Variants in MYH10 observed in about 807,000 individuals in gnomAD.
MYH10 encodes myosin heavy chain 10.
A neutral mutation model predicts 257.8 loss-of-function variants in MYH10; 55 were observed. The ratio of observed to expected loss-of-function variants is 0.21; its 90% confidence interval spans 0.17 to 0.27. MYH10 has a LOEUF of 0.27. Ranked by LOEUF, MYH10 falls within the 10% of genes least tolerant of loss-of-function variation. MYH10 has a pLI of 1.00. For missense variants in MYH10, 1,631 were observed against 2,500.6 expected (o/e 0.65, Z 7.42); for synonymous variants, 854 against 921.7 (o/e 0.93, Z 1.33).
chr17:8,571,301 A>G (rs895577602), intron 6 of MYH10, among the ~76,000 whole-genome samples: 3 of 150,664 alleles, frequency 2.0e-5, no homozygotes, highest in Admixed American at 2.0e-4. Context: ...CAGCCTCCCG[A>G]GTAGCTGGGA....
At chr17:8,624,964 A>G (rs1469317313) in intron 1 of MYH10, among the ~76,000 whole-genome samples, 1 of 152,164 alleles carries the variant, frequency 6.6e-6, no homozygotes, top group Non-Finnish European at 1.5e-5. Context: ...ATTTACTAGA[A>G]CCAGCTGGGT....
chr17:8,479,558 C>T (rs1022691006), intron 40 of MYH10, among the ~76,000 whole-genome samples: 1 of 152,154 alleles, frequency 6.6e-6, no homozygotes, highest in African/African-American at 2.4e-5. Context: ...GCCGCGAGCC[C>T]TGCATTTCTG....
chr17:8,528,123 A>C (rs758719582), intron 17 of MYH10, among the ~76,000 whole-genome samples: 2 of 152,198 alleles, frequency 1.3e-5, no homozygotes, highest in Non-Finnish European at 2.9e-5. Flanking sequence ...GTCAGCTGCA[A>C]TCTAGCACAC....
chr17:8,589,584 C>T lies in MYH10; in HGVS notation c.503-476G>A, dbSNP rs544569781. Among the ~76,000 whole-genome samples, 20 of 152,166 alleles carry T rather than the reference C, an allele frequency of 1.3e-4. No homozygotes were observed. In the South Asian group the frequency reaches 4.2e-3, roughly 32 times the overall value. Reference sequence around the variant, plus strand: ...CTTTCAGAATGGCTTCAAGAATACCCACAACCAGAGAGGAATCATTGCTAA... The same window carrying T: ...CTTTCAGAATGGCTTCAAGAATACCTACAACCAGAGAGGAATCATTGCTAA... On this transcript the variant is annotated intron_variant, in intron 3 of 42. Coordinates refer to ENST00000360416, the MANE Select transcript of MYH10 (RefSeq NM_001256012.3).
At chr17:8,512,753 A>G (rs1179495507) in intron 23 of MYH10, 96 bp from the exon 24 acceptor site, 1 of 928,340 alleles carries the variant, frequency 1.1e-6, no homozygotes, top group Non-Finnish European at 1.6e-6. Context: ...CATCAAAGAA[A>G]CTGGGAGATA....
In MYH10 at chr17:8,598,117, G is replaced by A. The variant is rs184193639; in HGVS notation, c.502+6709C>T. Among the ~76,000 whole-genome samples the A allele has an allele frequency of 1.1e-4, 16 of 152,284 alleles. No individual in the cohort carries two copies. In the East Asian group the frequency reaches 2.3e-3, roughly 22 times the overall value. ...CTGCCTCAGCCTCCAGAGTAGCTGG[G>A]ACTACAGTCGCATGCCACCCTAGTC... On this transcript the variant is annotated intron_variant, in intron 3 of 42. Transcript: ENST00000360416.
At position 8,481,309 on chromosome 17, in the gene MYH10, G is replaced by T; in HGVS notation, c.5264+13C>A. On this transcript the variant is annotated intron_variant, in intron 38 of 42. Coordinates refer to ENST00000360416, the MANE Select transcript of MYH10 (RefSeq NM_001256012.3). ...GAGGGCGAAGAACCCACCCCCGGCC[G>T]TGGGAGACTCACTTGCCAGAGGCGC... 1 of 1,612,958 alleles carries T rather than the reference G, an allele frequency of 6.2e-7. No individual in the cohort carries two copies. The highest frequency in any genetic ancestry group is 8.5e-7 in the Non-Finnish European group (1 of 1,179,616).
rs908560420 is a variant in MYH10 at position 8,552,676 on chromosome 17, T to C, written c.821-532A>G. On this transcript the variant is annotated intron_variant, in intron 8 of 42. Transcript: ENST00000360416. The surrounding 1 kb of genome is among the most constrained non-coding windows in gnomAD (Gnocchi z 4.8). ...TGAGAGTGCCCACAATGCTACCCTA[T>C]TGAAAGCCTCCTATATGAGAGGCAC... Among the ~76,000 whole-genome samples the C allele has an allele frequency of 3.3e-5, 5 of 152,296 alleles. No homozygotes were observed. Among genetic ancestry groups the C allele is most frequent in the South Asian group, 2.1e-4 (1 of 4,820 alleles).
At chr17:8,536,163 C>T (rs973185922) in intron 14 of MYH10, among the ~76,000 whole-genome samples, 4 of 152,018 alleles carry the variant, frequency 2.6e-5, no homozygotes, top group African/African-American at 9.7e-5. Flanking sequence ...CTCAAACTTA[C>T]AAATACTGTA....
At chr17:8,621,869 A>G in intron 2 of MYH10, among the ~76,000 whole-genome samples, 1 of 152,160 alleles carries the variant, frequency 6.6e-6, no homozygotes, top group East Asian at 1.9e-4. Flanking sequence ...CCATTCTCCT[A>G]CTTACTCTCT....
chr17:8,576,538 G>C, intron 6 of MYH10, 105 bp downstream of exon 6: 1 of 1,134,328 alleles, frequency 8.8e-7, no homozygotes, highest in Non-Finnish European at 1.3e-6. Context: ...TTTAATGACA[G>C]ATTTCACTTA....
intron 21 of MYH10, among the ~76,000 whole-genome samples, chr17:8,518,354 G>A (rs553966393): frequency 2.0e-5 from 3 of 152,052 alleles, no homozygotes; most frequent in Middle Eastern, 3.4e-3. Context: ...GGCTGGTCTC[G>A]AACTCCTGAG....
At chr17:8,480,008 C>T in intron 40 of MYH10, 102 bp downstream of exon 40, 4 of 1,141,560 alleles carry the variant, frequency 3.5e-6, no homozygotes, top group Non-Finnish European at 5.0e-6. Context: ...TATGTGTTCT[C>T]TGCCCACGTG....
In MYH10 at chr17:8,477,159, G is replaced by GCGTGTACATC; in HGVS notation, c.5707-112_5707-111insGATGTACACG. 4.0e-5 allele frequency: 50 copies of GCGTGTACATC among 1,236,842 alleles called. No individual in the cohort carries two copies. Among genetic ancestry groups the GCGTGTACATC allele is most frequent in the Non-Finnish European group, 5.2e-5 (46 of 883,328 alleles). 76.6% of individuals were successfully genotyped at this position (1,236,842 alleles called of 1,614,324 possible). A position where few individuals can be genotyped will look rare whatever the true frequency, so the allele number is the denominator to read the frequency against. Reference sequence around the variant, plus strand: ...CTCTGCCTGTTACCCTTGTGAGCACGCGTGTACACGGATGTACACGCGTGC... The same window carrying GCGTGTACATC: ...CTCTGCCTGTTACCCTTGTGAGCACGCGTGTACATCCGTGTACACGGATGTACACGCGTGC... On this transcript the variant is annotated intron_variant, in intron 41 of 42. Coordinates refer to ENST00000360416, the MANE Select transcript of MYH10 (RefSeq NM_001256012.3). The surrounding 1 kb of genome is among the most constrained non-coding windows in gnomAD (Gnocchi z 4.2).
At chr17:8,565,234 G>T (rs1404664935) in intron 7 of MYH10, among the ~76,000 whole-genome samples, 1 of 152,024 alleles carries the variant, frequency 6.6e-6, no homozygotes, top group East Asian at 1.9e-4. Context: ...GCAAATAATA[G>T]GTGCTTAATA....
At chr17:8,523,520 A>C (rs1240453297) in intron 17 of MYH10, among the ~76,000 whole-genome samples, 1 of 152,232 alleles carries the variant, frequency 6.6e-6, no homozygotes, top group African/African-American at 2.4e-5. Flanking sequence ...CAGTCGGTGC[A>C]ATCAGCATAT....
chr17:8,593,524 T>C (rs2084248120), intron 3 of MYH10, among the ~76,000 whole-genome samples: 1 of 152,144 alleles, frequency 6.6e-6, no homozygotes, highest in African/African-American at 2.4e-5. Flanking sequence ...TTTCTATATA[T>C]TAATAATGAA....
chr17:8,561,142 A>T, intron 7 of MYH10: 1 of 623,108 alleles, frequency 1.6e-6, no homozygotes, highest in Non-Finnish European at 2.8e-6. Flanking sequence ...AGGATTATAA[A>T]ATAAAAACTC....
intron 36 of MYH10, among the ~76,000 whole-genome samples, chr17:8,487,035 C>T (rs1914933175): frequency 6.6e-6 from 1 of 152,192 alleles, no homozygotes; most frequent in Non-Finnish European, 1.5e-5. Flanking sequence ...GCAGAGATCA[C>T]TTCTTGTCAT....
Sources: gnomAD v4.1 joint callset for allele counts (sites outside exome capture counted in the v4.1 genomes callset) on GRCh38, gnomAD v4.1.1 for gene constraint, Gnocchi (gnomAD v3.1) non-coding constraint, MANE v1.5 for transcripts, NCBI Gene and HGNC (gene_info 2026-07-23, HGNC 2026-07-21) for gene names.